NUDT21: variants seen among roughly 807,000 people sequenced by gnomAD.
NUDT21 encodes the protein cleavage and polyadenylation specificity factor subunit 5.
In NUDT21, 5 loss-of-function variants were observed where a neutral mutation model predicts 29.8. The ratio of observed to expected loss-of-function variants is 0.17; its 90% CI spans 0.09 to 0.35. NUDT21 has a LOEUF of 0.35. Ranked by LOEUF, NUDT21 falls within the 10% of genes least tolerant of loss-of-function variation. The pLI is 1.00. For synonymous variants in NUDT21, 113 were observed against 98.5 expected, an observed-to-expected ratio of 1.15 and a Z score of -0.87; for missense variants, 76 against 276.0, an observed-to-expected ratio of 0.28 and a Z score of 5.13.
At chr16:56,436,530 G>A (rs957608433) in intron 4 of NUDT21, among the ~76,000 whole-genome samples, 9 of 152,180 alleles carry the variant, frequency 5.9e-5, no homozygotes, top group Non-Finnish European at 8.8e-5. Flanking sequence ...AGGCTTTGGA[G>A]GTTCCTTAAA....
At chr16:56,450,680 A>T (rs763902995) in intron 1 of NUDT21, among the ~76,000 whole-genome samples, 2 of 152,230 alleles carry the variant, frequency 1.3e-5, no homozygotes, top group African/African-American at 4.8e-5. Flanking sequence ...TGCAAAAATG[A>T]TACTAGGTTA....
At chr16:56,439,568 C>A in intron 4 of NUDT21, 89 bp downstream of exon 4, 1 of 884,858 alleles carries the variant, frequency 1.1e-6, no homozygotes, top group South Asian at 1.4e-5. Flanking sequence ...AATTTCAAGT[C>A]AAATTCTACT....
At chr16:56,446,830 G>C (rs1305103575) in intron 2 of NUDT21, 141 bp from the exon 3 acceptor site, 3 of 537,326 alleles carry the variant, frequency 5.6e-6, no homozygotes, top group Admixed American at 3.7e-5. Flanking sequence ...CAAAGTGAAG[G>C]GGGAGAATAT....
intron 4 of NUDT21, among the ~76,000 whole-genome samples, chr16:56,436,931 A>C (rs1415067038): frequency 1.3e-5 from 2 of 152,352 alleles, no homozygotes; most frequent in African/African-American, 4.8e-5. Context: ...GAGATGAGTG[A>C]AGATATTCAG....
In NUDT21 at chr16:56,429,768, T is replaced by C. The variant is rs1376463704; in HGVS notation, c.*2944A>G. 6.6e-6 allele frequency: 1 copy of C among 152,198 alleles called. No homozygotes were observed. The highest frequency in any genetic ancestry group is 2.4e-5 in the African/African-American group (1 of 41,456). The allele number at this position is 152,198 out of a possible 1,614,324, so 9.4% of individuals were successfully genotyped here. A position where few individuals can be genotyped will look rare whatever the true frequency, so the allele number is the denominator to read the frequency against. On this transcript the variant is annotated 3_prime_UTR_variant, in exon 7 of 7. Coordinates refer to ENST00000300291, the MANE Select transcript of NUDT21 (RefSeq NM_007006.3). ...ATGAAACATACAAAATTGCAAACTCTGATGCAGTCTCAGTGATTGGCATAT... is the reference window on the plus strand; with the variant it reads ...ATGAAACATACAAAATTGCAAACTCCGATGCAGTCTCAGTGATTGGCATAT...
intron 5 of NUDT21, 71 bp downstream of exon 5, chr16:56,434,683 C>A: frequency 9.8e-7 from 1 of 1,024,016 alleles, no homozygotes; most frequent in Admixed American, 1.8e-5. Flanking sequence ...TGAGAAAACA[C>A]AAATAGAGGT....
At chr16:56,446,874 T>C (rs925544773) in intron 2 of NUDT21, 185 bp from the exon 3 acceptor site, 32 of 467,364 alleles carry the variant, frequency 6.8e-5, no homozygotes, top group African/African-American at 5.9e-4. Flanking sequence ...AGACTAACAG[T>C]ATACAAACCC....
chr16:56,439,567 T>C, intron 4 of NUDT21, 90 bp downstream of exon 4: 1 of 881,604 alleles, frequency 1.1e-6, no homozygotes. Context: ...AAATTTCAAG[T>C]CAAATTCTAC....
intron 1 of NUDT21, 86 bp downstream of exon 1, chr16:56,451,001 A>C: frequency 8.7e-7 from 1 of 1,149,780 alleles, no homozygotes. Context: ...CAGAGGCGTG[A>C]AGCGCGCCGA....
At chr16:56,433,544 A>C (rs191795299) in intron 6 of NUDT21, among the ~76,000 whole-genome samples, 25 of 152,160 alleles carry the variant, frequency 1.6e-4, no homozygotes, top group Non-Finnish European at 2.9e-4. Context: ...AAAAAACTGC[A>C]TTTCTTATCA....
intron 5 of NUDT21, 67 bp from the exon 6 acceptor site, chr16:56,434,512 T>C: frequency 1.1e-6 from 1 of 903,582 alleles, no homozygotes. Flanking sequence ...CATTTTTAAA[T>C]TACCAATTTT....
At position 56,434,323 on chromosome 16, in the gene NUDT21, T is replaced by C. The variant is rs775670305; in HGVS notation, c.662+8A>G. 6.3e-7 allele frequency: 1 copy of C among 1,576,176 alleles called. No homozygotes were observed. Among genetic ancestry groups the C allele is most frequent in the Non-Finnish European group, 8.7e-7 (1 of 1,145,860 alleles). The stretch of plus-strand genomic sequence containing the variant: ...TGGATGAACCAAAAAATGTTCAACT[T>C]TCTGTACCTGCTCAACAGCTGAGGG... On this transcript the variant is annotated splice_region_variant and intron_variant, in intron 6 of 6. Coordinates refer to ENST00000300291, the MANE Select transcript of NUDT21 (RefSeq NM_007006.3).
In NUDT21 at chr16:56,430,762, A is replaced by C. The variant is rs1201499347; in HGVS notation, c.*1950T>G. 1 of 152,264 alleles carries C rather than the reference A, an allele frequency of 6.6e-6. No homozygotes were observed. Among genetic ancestry groups the C allele is most frequent in the Admixed American group, 6.5e-5 (1 of 15,290 alleles). The allele number at this position is 152,264 out of a possible 1,614,324, so 9.4% of individuals were successfully genotyped here. A position where few individuals can be genotyped will look rare whatever the true frequency, so the allele number is the denominator to read the frequency against. On this transcript the variant is annotated 3_prime_UTR_variant, in exon 7 of 7. Transcript: ENST00000300291. ...TCCGTTTGTGTGTTGCAACTTTTACATTCAAAACCAGATCTCTTACATTTC... is the reference window on the plus strand; with the variant it reads ...TCCGTTTGTGTGTTGCAACTTTTACCTTCAAAACCAGATCTCTTACATTTC...
At chr16:56,438,028 A>G (rs1962123669) in intron 4 of NUDT21, among the ~76,000 whole-genome samples, 1 of 152,202 alleles carries the variant, frequency 6.6e-6, no homozygotes, top group South Asian at 2.1e-4. Context: ...AAACAACCAA[A>G]TATTTTTAAA....
At chr16:56,436,682 G>A (rs1356739649) in intron 4 of NUDT21, among the ~76,000 whole-genome samples, 2 of 152,142 alleles carry the variant, frequency 1.3e-5, no homozygotes, top group Non-Finnish European at 2.9e-5. Flanking sequence ...AATTTCTTCT[G>A]CTCAAGGCTA....
At chr16:56,438,620 G>C (rs1255029149) in intron 4 of NUDT21, among the ~76,000 whole-genome samples, 2 of 152,036 alleles carry the variant, frequency 1.3e-5, no homozygotes, top group Non-Finnish European at 2.9e-5. Context: ...ATTATATACC[G>C]CCTATGACAA....
At chr16:56,446,219 A>G (rs918138050) in intron 3 of NUDT21, among the ~76,000 whole-genome samples, 13 of 152,228 alleles carry the variant, frequency 8.5e-5, no homozygotes, top group Non-Finnish European at 2.9e-5. Flanking sequence ...TCAAAATTCT[A>G]TAGAGGCCTA....
intron 3 of NUDT21, among the ~76,000 whole-genome samples, chr16:56,443,463 C>T (rs528733237): frequency 1.6e-4 from 24 of 152,180 alleles, no homozygotes; most frequent in African/African-American, 4.1e-4. Context: ...TGTGAGCCAC[C>T]GCGCCTGGCC....
Position 56,451,263 on chromosome 16 carries a change from T to C in NUDT21, c.-61A>G. ...TGGCAGGCAGGGTAGACTTTCCCCG[T>C]GCGGGAAGCGGTTATCTGCAATCCC... On this transcript the variant is annotated 5_prime_UTR_variant, in exon 1 of 7. Coordinates refer to ENST00000300291, the MANE Select transcript of NUDT21 (RefSeq NM_007006.3). The C allele has an allele frequency of 7.6e-7, 1 of 1,314,470 alleles. No individual in the cohort carries two copies. Among genetic ancestry groups the C allele is most frequent in the Non-Finnish European group, 1.1e-6 (1 of 944,804 alleles). The allele number at this position is 1,314,470 out of a possible 1,614,324, so 81.4% of individuals were successfully genotyped here.
Sources: allele counts gnomAD v4.1 joint callset (sites outside exome capture counted in the v4.1 genomes callset), GRCh38; gene constraint gnomAD v4.1.1; transcripts MANE v1.5; gene names NCBI Gene and HGNC (gene_info 2026-07-23, HGNC 2026-07-21).